NXPE2: variants seen among roughly 807,000 people sequenced by gnomAD.
NXPE2 encodes NXPE family member 2.
A neutral mutation model predicts 34.4 loss-of-function variants in NXPE2; 34 were observed. That is an observed-to-expected ratio of 0.99 (90% CI 0.75 to 1.31). NXPE2 has a LOEUF of 1.31. Among genes scored for constraint, NXPE2 ranks in the 40% most tolerant of loss-of-function variants. NXPE2 has a pLI of 0.00. For missense variants in NXPE2, 649 were observed against 672.5 expected (o/e 0.97, Z 0.39); for synonymous variants, 235 against 231.3 (o/e 1.02, Z -0.15).
the NXPE2 span, among the ~76,000 whole-genome samples, chr11:114,470,082 T>C: frequency 6.6e-6 from 1 of 152,368 alleles, no homozygotes; most frequent in East Asian, 1.9e-4. Context: ...ACAATTTGTA[T>C]ATTGATTTAC....
At chr11:114,520,471 T>C in the NXPE2 span, among the ~76,000 whole-genome samples, 1 of 152,234 alleles carries the variant, frequency 6.6e-6, no homozygotes, top group Non-Finnish European at 1.5e-5. Flanking sequence ...CTGAATGATA[T>C]TCCATTGTAC....
the NXPE2 span, among the ~76,000 whole-genome samples, chr11:114,614,505 T>A: frequency 6.6e-6 from 1 of 151,114 alleles, no homozygotes; most frequent in African/African-American, 2.4e-5. Context: ...ACCCGGTGGA[T>A]AATAAATGTT....
chr11:114,659,523 A>T, the NXPE2 span, among the ~76,000 whole-genome samples: 1 of 151,660 alleles, frequency 6.6e-6, no homozygotes, highest in Non-Finnish European at 1.5e-5. Flanking sequence ...TAACAAAAAA[A>T]GTTTGGAAAA....
the NXPE2 span, among the ~76,000 whole-genome samples, chr11:114,652,624 G>A: frequency 1.3e-5 from 2 of 152,212 alleles, no homozygotes; most frequent in African/African-American, 4.8e-5. Context: ...ATTGTCATCA[G>A]GAGGTAATAA....
the NXPE2 span, chr11:114,523,077 C>G: frequency 6.2e-7 from 1 of 1,612,410 alleles, no homozygotes; most frequent in Non-Finnish European, 8.5e-7. Flanking sequence ...CATGTCTCTT[C>G]TATTTTTTCT....
chr11:114,761,740 AT>A, the NXPE2 span, among the ~76,000 whole-genome samples: 3 of 148,778 alleles, frequency 2.0e-5, no homozygotes, highest in South Asian at 2.2e-4. Flanking sequence ...CGCCCGGCTA[AT>A]TTTTTTGTAT....
At chr11:114,773,071 G>A in the NXPE2 span, among the ~76,000 whole-genome samples, 2 of 152,150 alleles carry the variant, frequency 1.3e-5, no homozygotes, top group African/African-American at 4.8e-5. Context: ...CAGGTGAGAT[G>A]ATCTCAGTGC....
chr11:114,613,985 A>T, the NXPE2 span, among the ~76,000 whole-genome samples: 1 of 147,592 alleles, frequency 6.8e-6, no homozygotes, highest in East Asian at 2.1e-4. Flanking sequence ...TATTGCCTCT[A>T]GGGTTACCAC....
At chr11:114,595,414 C>G in the NXPE2 span, among the ~76,000 whole-genome samples, 1 of 152,112 alleles carries the variant, frequency 6.6e-6, no homozygotes, top group East Asian at 1.9e-4. Flanking sequence ...TAAACTTTAA[C>G]ATCAGATTGC....
At chr11:114,478,817 C>T in the NXPE2 span, among the ~76,000 whole-genome samples, 44 of 152,254 alleles carry the variant, frequency 2.9e-4, no homozygotes, top group African/African-American at 1.0e-3. Context: ...TCTGGCAATG[C>T]CAATGAATAT....
At chr11:114,636,204 G>A in the NXPE2 span, among the ~76,000 whole-genome samples, 3 of 152,134 alleles carry the variant, frequency 2.0e-5, no homozygotes, top group African/African-American at 7.2e-5. Flanking sequence ...GGGTGTATGT[G>A]TCGAGGAATT....
chr11:114,604,291 C>A, the NXPE2 span, among the ~76,000 whole-genome samples: 27,371 of 151,944 alleles, frequency 0.18, 2,832 homozygotes, highest in Non-Finnish European at 0.22. Flanking sequence ...TAAGTGTTGC[C>A]TCGTGGGTAA....
the NXPE2 span, among the ~76,000 whole-genome samples, chr11:114,519,227 C>A: frequency 8.4e-4 from 127 of 152,092 alleles, no homozygotes; most frequent in African/African-American, 2.9e-3. Context: ...GCTTTCCCCC[C>A]GTTTGGCAAA....
the NXPE2 span, among the ~76,000 whole-genome samples, chr11:114,811,310 A>T: frequency 2.0e-5 from 3 of 151,200 alleles, no homozygotes; most frequent in East Asian, 3.9e-4. Context: ...CGTTGTGCAC[A>T]TGTACCCTAA....
the NXPE2 span, among the ~76,000 whole-genome samples, chr11:114,645,096 G>C: frequency 6.6e-6 from 1 of 151,916 alleles, no homozygotes; most frequent in Admixed American, 6.6e-5. Flanking sequence ...GAGGTCAGGA[G>C]TTCAAAACCA....
At chr11:114,624,057 G>A in the NXPE2 span, among the ~76,000 whole-genome samples, 2 of 151,108 alleles carry the variant, frequency 1.3e-5, no homozygotes, top group African/African-American at 4.9e-5. Flanking sequence ...TGGATAATGA[G>A]TGTTGTCTTG....
At chr11:114,674,246 A>C (rs1211851946), upstream of NXPE2, among the ~76,000 whole-genome samples, 2 of 151,986 alleles carry the variant, frequency 1.3e-5, no homozygotes, top group African/African-American at 4.8e-5. Context: ...AAAATGTTTA[A>C]AATTATTTGC....
At chr11:114,533,461 C>G in the NXPE2 span, among the ~76,000 whole-genome samples, 1 of 152,088 alleles carries the variant, frequency 6.6e-6, no homozygotes, top group Non-Finnish European at 1.5e-5. Flanking sequence ...TGCAGCACAC[C>G]GTGCATGAGC....
the NXPE2 span, chr11:114,580,430 A>C: frequency 9.7e-7 from 1 of 1,031,782 alleles, no homozygotes; most frequent in Non-Finnish European, 1.5e-6. Context: ...GTATCCTAAG[A>C]GGGGGTAAGG....
Sources: gnomAD v4.1 joint callset for allele counts (sites outside exome capture counted in the v4.1 genomes callset) on GRCh38, gnomAD v4.1.1 for gene constraint, MANE v1.5 for transcripts, NCBI Gene and HGNC (gene_info 2026-07-23, HGNC 2026-07-21) for gene names.